The following NOL6 variants were observed in gnomAD, a reference collection of about 807,000 sequenced individuals.
NOL6 encodes the protein nucleolar RNA-associated protein.
NOL6 carries 33 observed loss-of-function variants against 131.7 expected under a neutral mutation model. The observed-to-expected ratio is 0.25, with a 90% confidence interval of 0.19 to 0.33. The LOEUF (loss-of-function observed/expected upper bound fraction) is 0.33, where lower values mean the gene tolerates loss of function less well. Ranked by LOEUF, NOL6 falls within the 10% of genes least tolerant of loss-of-function variation. The probability of loss-of-function intolerance (pLI) is 1.00; values close to 1 mark genes in which losing one functional copy is unlikely to be tolerated. For missense variants in NOL6, 1,297 were observed against 1,494.5 expected, an observed-to-expected ratio of 0.87 and a Z score of 2.18; for synonymous variants, 580 against 605.7, an observed-to-expected ratio of 0.96 and a Z score of 0.62.
rs368533600 is a variant in NOL6, at chr9:33,465,274, C to G, written c.2614G>C (p.Ala872Pro). The change falls in exon 20 of 26, where the codon GCT (alanine) becomes CCT (proline). Residue 872 changes from alanine to proline, a missense_variant. By Grantham distance (27) the Ala-to-Pro change is conservative. Transcript: ENST00000297990. ...VRAQLLGEGF[A>P]DESLDLVAAA... is the part of the protein sequence containing the mutation. ...GCCACCAGATCCAGGCTCTCATCAG[C>G]GAAACCCTCACCAAGAAGCTGGGCA... 1 of 1,596,974 alleles carries G rather than the reference C, an allele frequency of 6.3e-7. No homozygotes were observed.
intron 18 of NOL6, 80 bp from the exon 19 acceptor site, chr9:33,465,977 C>G: frequency 6.4e-7 from 1 of 1,572,958 alleles, no homozygotes; most frequent in Non-Finnish European, 8.7e-7. Context: ...AGCCCTATTA[C>G]CCAGCGTGGT....
intron 18 of NOL6, 64 bp from the exon 19 acceptor site, chr9:33,465,961 G>A (rs949095901): frequency 6.3e-7 from 1 of 1,585,690 alleles, no homozygotes; most frequent in Non-Finnish European, 8.6e-7. Flanking sequence ...GTACTCTGTG[G>A]CCTACAGCCC....
Position 33,463,940 on chromosome 9 carries a change from C to T in NOL6, c.2905-20G>A. 9 of 1,614,108 alleles carry T rather than the reference C, an allele frequency of 5.6e-6. No homozygotes were observed. Among genetic ancestry groups the T allele is most frequent in the Non-Finnish European group, 7.6e-6 (9 of 1,179,996 alleles). Reference sequence around the variant, plus strand: ...CAGGATCTGCGGGGTACAGACACATCAGACTGGAACTGAAGTGGGTCTCTC... The same window carrying T: ...CAGGATCTGCGGGGTACAGACACATTAGACTGGAACTGAAGTGGGTCTCTC... On this transcript the variant is annotated intron_variant, in intron 22 of 25. Coordinates refer to ENST00000297990, the MANE Select transcript of NOL6 (RefSeq NM_022917.5).
At chr9:33,466,525 T>G (rs745696108) in intron 16 of NOL6, 44 bp downstream of exon 16, 6 of 1,612,392 alleles carry the variant, frequency 3.7e-6, no homozygotes, top group East Asian at 4.5e-5. Flanking sequence ...GGAGCAGAGG[T>G]GGGGCCACTA....
At position 33,462,148 on chromosome 9, in the gene NOL6, GC is replaced by G. The variant is rs1412687340; in HGVS notation, c.*515del. 1.4e-6 allele frequency: 1 copy of G among 717,300 alleles called. No individual in the cohort carries two copies. 44.4% of individuals were successfully genotyped at this position (717,300 alleles called of 1,614,324 possible). A position where few individuals can be genotyped will look rare whatever the true frequency, so the allele number is the denominator to read the frequency against. Reference sequence around the variant, plus strand: ...AATGTGGTCTATTCATACACATATAGCCCCTTTCCACTGCTCAGTGTCGGTG... The same window carrying G: ...AATGTGGTCTATTCATACACATATAGCCCTTTCCACTGCTCAGTGTCGGTG... On this transcript the variant is annotated 3_prime_UTR_variant, in exon 26 of 26. Coordinates refer to ENST00000297990, the MANE Select transcript of NOL6 (RefSeq NM_022917.5).
At chr9:33,466,032 C>A (rs1313198567) in intron 18 of NOL6, 39 bp downstream of exon 18, 1 of 1,561,592 alleles carries the variant, frequency 6.4e-7, no homozygotes, top group Non-Finnish European at 8.7e-7. Context: ...CCCTGGTGCC[C>A]CCCTTCCCTG....
In NOL6 at chr9:33,472,965, T is replaced by G. The variant is rs1204223471; in HGVS notation, c.55-553A>C. Among the ~76,000 whole-genome samples the G allele has an allele frequency of 6.3e-5, 8 of 127,866 alleles. No individual in the cohort carries two copies. The South Asian group carries it at 1.7e-3, about 26-fold the overall frequency. The allele number at this position is 127,866 out of a possible 152,430, so 83.9% of individuals were successfully genotyped here. On this transcript the variant is annotated intron_variant, in intron 1 of 25. Coordinates refer to ENST00000297990, the MANE Select transcript of NOL6 (RefSeq NM_022917.5). ...TCTAGCCTGGGCAACAGAGCAAGAC[T>G]GTCAAAAAAAAAAAAAAAAAAAAGA...
At position 33,463,812 on chromosome 9, in the gene NOL6, C is replaced by G. The variant is rs1329309570; in HGVS notation, c.2994+19G>C. ...AGAATCCCCAGAGGCCCTGGAGTCACTGCTGGTCAGAAGCTTACCCTGATG... is the reference window on the plus strand; with the variant it reads ...AGAATCCCCAGAGGCCCTGGAGTCAGTGCTGGTCAGAAGCTTACCCTGATG... On this transcript the variant is annotated intron_variant, in intron 23 of 25. Transcript: ENST00000297990. The G allele has an allele frequency of 1.2e-6, 2 of 1,613,224 alleles. No homozygotes were observed. Among genetic ancestry groups the G allele is most frequent in the Non-Finnish European group, 1.7e-6 (2 of 1,179,320 alleles).
At position 33,469,998 on chromosome 9, in the gene NOL6, A is replaced by C. The variant is rs1827363531; in HGVS notation, c.558+14T>G. On this transcript the variant is annotated intron_variant, in intron 4 of 25. Transcript: ENST00000297990. ...CAGGTGGTGGGCCTCTATCCCCTAAACCCTGGACCTTACCCTGGGCATGGT... is the reference window on the plus strand; with the variant it reads ...CAGGTGGTGGGCCTCTATCCCCTAACCCCTGGACCTTACCCTGGGCATGGT... The C allele has an allele frequency of 6.4e-7, 1 of 1,565,706 alleles. No individual in the cohort carries two copies. Among genetic ancestry groups the C allele is most frequent in the Non-Finnish European group, 8.7e-7 (1 of 1,150,618 alleles).
chr9:33,469,408 C>T (rs2777746), intron 5 of NOL6, 67 bp from the exon 6 acceptor site: 475,934 of 1,608,766 alleles, frequency 0.3, 72,278 homozygotes, highest in Admixed American at 0.35. Context: ...CCCATCCTGT[C>T]CCCCCATACT....
Position 33,468,426 on chromosome 9 carries a change from G to C in NOL6, c.1207-4C>G, listed in dbSNP as rs767734149. 16 of 1,613,892 alleles carry C rather than the reference G, an allele frequency of 9.9e-6. No homozygotes were observed. The highest frequency in any genetic ancestry group is 1.2e-5 in the Non-Finnish European group (14 of 1,179,832). On this transcript the variant is annotated splice_polypyrimidine_tract_variant and splice_region_variant and intron_variant, in intron 9 of 25. Coordinates refer to ENST00000297990, the MANE Select transcript of NOL6 (RefSeq NM_022917.5). ...GGTGGAAGTCAGCCAGGGCCGGCTTGGGGGGTGTAGAGAGAAGCAGGTCAG... is the reference window on the plus strand; with the variant it reads ...GGTGGAAGTCAGCCAGGGCCGGCTTCGGGGGTGTAGAGAGAAGCAGGTCAG...
Position 33,466,323 on chromosome 9 carries a change from C to G in NOL6, c.2194G>C (p.Val732Leu), listed in dbSNP as rs776381070. ...GCCCTCTTACCGGTCATGGGCTCCA[C>G]GTAGGCCGGACAGGGCTTATCGAGC... is the stretch of plus-strand genomic sequence containing the variant. The part of the protein sequence containing the change: ...PRLDKPCPAY[V>L]EPMTVVCHLE... Residue 732 changes from valine to leucine, a missense_variant, in exon 17 of 26, where the codon GTG (valine) becomes CTG (leucine). Physicochemically the swap from Val to Leu is conservative, Grantham distance 32. Coordinates refer to ENST00000297990, the MANE Select transcript of NOL6 (RefSeq NM_022917.5). 1 of 1,614,176 alleles carries G rather than the reference C, an allele frequency of 6.2e-7. No individual in the cohort carries two copies. Among genetic ancestry groups the G allele is most frequent in the East Asian group, 2.2e-5 (1 of 44,880 alleles).
In NOL6 at chr9:33,469,523, G is replaced by C; in HGVS notation, c.703C>G (p.Pro235Ala). Residue 235 changes from proline (P) to alanine (A), a missense_variant, in exon 5 of 26, where the codon CCC (proline) becomes GCC (alanine). Transcript: ENST00000297990. Reference protein sequence around the residue: ...FSYTNGCHLKPSLLLRPRGKD... With the variant: ...FSYTNGCHLKASLLLRPRGKD... ...CCACGCGGCCGCAGCAACAGTGAGG[G>C]TTTCAGGTGGCAGCCATTTGTGTAG... 6 of 1,610,134 alleles carry C rather than the reference G, an allele frequency of 3.7e-6. No individual in the cohort carries two copies. The highest frequency in any genetic ancestry group is 5.1e-6 in the Non-Finnish European group (6 of 1,178,508).
intron 4 of NOL6, 78 bp downstream of exon 4, chr9:33,469,933 GC>G: frequency 1.4e-6 from 2 of 1,391,620 alleles, no homozygotes; most frequent in African/African-American, 2.9e-5. Flanking sequence ...CCCCTGGCAA[GC>G]GGCAGATAAG....
At position 33,468,337 on chromosome 9, in the gene NOL6, G is replaced by A; in HGVS notation, c.1292C>T (p.Ala431Val). 2 of 1,613,988 alleles carry A rather than the reference G, an allele frequency of 1.2e-6. No individual in the cohort carries two copies. Among genetic ancestry groups the A allele is most frequent in the Non-Finnish European group, 1.7e-6 (2 of 1,179,898 alleles). ...GHLNLCADVT[A>V]STYHQVQHEA... ...CATTGGTACCTGGTGGTAAGTAGAG[G>A]CAGTGACATCAGCACAGAGGTTGAG... The change falls in exon 10 of 26, where the codon GCC becomes GTC. Residue 431 changes from alanine (A) to valine (V), a missense_variant. By Grantham distance (64) the Ala-to-Val change is moderately conservative. Coordinates refer to ENST00000297990, the MANE Select transcript of NOL6 (RefSeq NM_022917.5).
Position 33,467,294 on chromosome 9 carries a change from G to T in NOL6, c.1726-32C>A. ...AGGCAAGGGTGGTAGTAGAGCTGGG[G>T]AAGGAAGGGCTCTGTGGACCCTCCC... On this transcript the variant is annotated intron_variant, in intron 13 of 25. Transcript: ENST00000297990. This position sits in a 1 kb window ranked among gnomAD's most constrained non-coding sequence, Gnocchi z 4.4. The T allele has an allele frequency of 6.2e-7, 1 of 1,612,318 alleles. No individual in the cohort carries two copies. Among genetic ancestry groups the T allele is most frequent in the Non-Finnish European group, 8.5e-7 (1 of 1,178,508 alleles).
In NOL6 at chr9:33,467,897, G is replaced by A; in HGVS notation, c.1425-29C>T. The A allele has an allele frequency of 6.3e-7, 1 of 1,583,460 alleles. No individual in the cohort carries two copies. The highest frequency in any genetic ancestry group is 8.6e-7 in the Non-Finnish European group (1 of 1,162,578). ...GAGGGGTACAAAGGGCCAAAGAGGG[G>A]TAATCAGGTTGCTGGCCCCTAGTAC... On this transcript the variant is annotated intron_variant, in intron 11 of 25. Transcript: ENST00000297990. This position sits in a 1 kb window ranked among gnomAD's most constrained non-coding sequence, Gnocchi z 4.4.
At chr9:33,471,288 T>G (rs1251963162) in intron 3 of NOL6, among the ~76,000 whole-genome samples, 2 of 152,202 alleles carry the variant, frequency 1.3e-5, no homozygotes, top group East Asian at 3.8e-4. Context: ...AAACGTGAAC[T>G]TTTAAAAGTT....
rs998722581 is a variant in NOL6 at position 33,463,229 on chromosome 9, C to T, written c.3189+18G>A. The T allele has an allele frequency of 6.2e-7, 1 of 1,613,020 alleles. No individual in the cohort carries two copies. The highest frequency in any genetic ancestry group is 8.5e-7 in the Non-Finnish European group (1 of 1,179,258). The stretch of plus-strand genomic sequence containing the variant: ...CTGGAAGTCCCCTCCCCAGGTCATT[C>T]AGCTGTTTAGGACCAACCCTGAGCT... On this transcript the variant is annotated intron_variant, in intron 24 of 25. Transcript: ENST00000297990.
Sources: gnomAD v4.1 joint callset for allele counts (sites outside exome capture counted in the v4.1 genomes callset) on GRCh38, gnomAD v4.1.1 for gene constraint, Gnocchi (gnomAD v3.1) non-coding constraint, MANE v1.5 for transcripts, NCBI Gene and HGNC (gene_info 2026-07-23, HGNC 2026-07-21) for gene names.